Variants in CIT observed in about 807,000 individuals in gnomAD.
CIT encodes citron Rho-interacting kinase.
In CIT, 79 loss-of-function variants were observed where a neutral mutation model predicts 272.7. That is an observed-to-expected ratio of 0.29 (90% confidence interval 0.24 to 0.35). The LOEUF (loss-of-function observed/expected upper bound fraction) is 0.35, where lower values mean the gene tolerates loss of function less well. CIT is among the 10% of genes least tolerant of loss of function. The pLI is 1.00. For synonymous variants in CIT, 948 were observed against 995.6 expected (o/e 0.95, Z 0.90); for missense variants, 1,909 against 2,618.3 (o/e 0.73, Z 5.91).
At chr12:119,821,907 GA>G (rs932970817) in intron 9 of CIT, among the ~76,000 whole-genome samples, 35 of 152,288 alleles carry the variant, frequency 2.3e-4, no homozygotes, top group African/African-American at 8.4e-4. Context: ...GAAGGTTAGA[GA>G]AACCATCAAA....
At chr12:119,780,864 C>G (rs1964223707) in intron 13 of CIT, among the ~76,000 whole-genome samples, 1 of 152,278 alleles carries the variant, frequency 6.6e-6, no homozygotes. Flanking sequence ...GAACTTTTAG[C>G]AGTCATTAAA....
chr12:119,774,844 C>T (rs772241850), intron 16 of CIT, among the ~76,000 whole-genome samples: 51 of 151,980 alleles, frequency 3.4e-4, no homozygotes, highest in African/African-American at 9.7e-5. Flanking sequence ...TGTAGTGGTG[C>T]ACACCTGTAG....
chr12:119,787,154 G>A (rs1409894297), intron 10 of CIT, among the ~76,000 whole-genome samples: 5 of 151,748 alleles, frequency 3.3e-5, no homozygotes, highest in South Asian at 2.1e-4. Flanking sequence ...TTGTAGACAC[G>A]GGGTTTCTCC....
chr12:119,846,082 C>T (rs1235971572), intron 5 of CIT, among the ~76,000 whole-genome samples: 1 of 152,114 alleles, frequency 6.6e-6, no homozygotes, highest in African/African-American at 2.4e-5. Context: ...AGATAGTACC[C>T]TCCTGAAGAT....
At chr12:119,724,984 C>A (rs1373557208) in intron 28 of CIT, among the ~76,000 whole-genome samples, 1 of 146,286 alleles carries the variant, frequency 6.8e-6, no homozygotes, top group Non-Finnish European at 1.5e-5. Context: ...GCTTCTGAAG[C>A]CATTTTGGGC....
At chr12:119,778,807 G>T (rs973960901) in intron 13 of CIT, among the ~76,000 whole-genome samples, 1 of 152,108 alleles carries the variant, frequency 6.6e-6, no homozygotes, top group Non-Finnish European at 1.5e-5. Flanking sequence ...AAAGCATACT[G>T]TTATTGAAGG....
chr12:119,688,752 A>T (rs1955735432), intron 47 of CIT, among the ~76,000 whole-genome samples: 1 of 152,246 alleles, frequency 6.6e-6, no homozygotes, highest in African/African-American at 2.4e-5. Context: ...CAAACCTAAA[A>T]TTACACAGAT....
At chr12:119,704,780 A>ACCACACACCTTTC in intron 40 of CIT, among the ~76,000 whole-genome samples, 1 of 152,194 alleles carries the variant, frequency 6.6e-6, no homozygotes, top group South Asian at 2.1e-4. Context: ...GGCACCTGAC[A>ACCACACACCTTTC]CCACACACCT....
intron 6 of CIT, among the ~76,000 whole-genome samples, chr12:119,833,074 GA>G (rs1968756828): frequency 6.6e-6 from 1 of 152,040 alleles, no homozygotes; most frequent in East Asian, 1.9e-4. Context: ...GAGAGAGGGG[GA>G]AAGAGAAAAA....
At chr12:119,865,904 T>C (rs1566145895) in intron 3 of CIT, among the ~76,000 whole-genome samples, 1 of 151,956 alleles carries the variant, frequency 6.6e-6, no homozygotes, top group Non-Finnish European at 1.5e-5. Context: ...TATTCCTATT[T>C]TACAGATGAG....
In CIT at chr12:119,819,282, A is replaced by C. The variant is rs1206462659; in HGVS notation, c.1111+3538T>G. On this transcript the variant is annotated intron_variant, in intron 9 of 47. Coordinates refer to ENST00000392521, the MANE Select transcript of CIT (RefSeq NM_001206999.2). ...CACAGAGTGTTCGACTTGCTGGAAGAATAAGTATCCTGGAACTGGGTCAGA... is the reference window on the plus strand; with the variant it reads ...CACAGAGTGTTCGACTTGCTGGAAGCATAAGTATCCTGGAACTGGGTCAGA... Among the ~76,000 whole-genome samples, 4 of 152,172 alleles carry C rather than the reference A, an allele frequency of 2.6e-5. No individual in the cohort carries two copies. The East Asian group carries it at 5.8e-4, about 22-fold the overall frequency.
At chr12:119,699,852 C>T (rs955067474) in intron 44 of CIT, 1 of 456,056 alleles carries the variant, frequency 2.2e-6, no homozygotes, top group Non-Finnish European at 4.4e-6. Flanking sequence ...ACAAAATAGC[C>T]TCGAAGGGTA....
rs202211854 is a variant in CIT, at chr12:119,710,659, G to A, written c.4855-39C>T. 2.0e-5 allele frequency: 32 copies of A among 1,569,442 alleles called. No homozygotes were observed. The East Asian group carries it at 2.2e-4, about 11-fold the overall frequency. ...AAAGAAAAGAAAAACAGAAGACATC[G>A]TGAGGCTGATCTGTTTATGACCAAA... is the stretch of plus-strand genomic sequence containing the variant. On this transcript the variant is annotated intron_variant, in intron 37 of 47. Coordinates refer to ENST00000392521, the MANE Select transcript of CIT (RefSeq NM_001206999.2). The surrounding 1 kb of genome is among the most constrained non-coding windows in gnomAD (Gnocchi z 5.6).
chr12:119,768,287 C>A lies in CIT; in HGVS notation c.2209-1105G>T, dbSNP rs1962698192. Among the ~76,000 whole-genome samples the A allele has an allele frequency of 6.6e-6, 1 of 152,188 alleles. No individual in the cohort carries two copies. Among genetic ancestry groups the A allele is most frequent in the Admixed American group, 6.5e-5 (1 of 15,280 alleles). ...ATTTGCCAATGTTTTATAAACTGAC[C>A]TTACAAAAGGCAGCATTCAATTCAC... On this transcript the variant is annotated intron_variant, in intron 18 of 47. Transcript: ENST00000392521. The surrounding 1 kb of genome is among the most constrained non-coding windows in gnomAD (Gnocchi z 4.3).
intron 9 of CIT, among the ~76,000 whole-genome samples, chr12:119,808,991 C>A (rs192094124): frequency 6.6e-6 from 1 of 152,214 alleles, no homozygotes; most frequent in East Asian, 1.9e-4. Context: ...TGGCTGATGG[C>A]AAGTTTTGCC....
intron 9 of CIT, among the ~76,000 whole-genome samples, chr12:119,811,492 C>T (rs927484041): frequency 1.8e-4 from 27 of 152,268 alleles, no homozygotes; most frequent in Middle Eastern, 6.8e-3. Context: ...ATAAGGAAGC[C>T]AGCATTCCCA....
intron 10 of CIT, among the ~76,000 whole-genome samples, chr12:119,802,649 T>C (rs1356670246): frequency 2.0e-5 from 3 of 152,140 alleles, no homozygotes. Context: ...AGCTGCCAGA[T>C]CCCTGATCTT....
intron 23 of CIT, among the ~76,000 whole-genome samples, chr12:119,750,696 C>T (rs1390720450): frequency 6.6e-6 from 1 of 151,140 alleles, no homozygotes; most frequent in Non-Finnish European, 1.5e-5. Flanking sequence ...ATCCCCAAAC[C>T]CAACAATGGG....
Position 119,869,003 on chromosome 12 carries a change from A to G in CIT, c.238+57T>C. The G allele has an allele frequency of 3.1e-6, 5 of 1,594,778 alleles. No individual in the cohort carries two copies. In the South Asian group the frequency reaches 5.6e-5, roughly 18 times the overall value. ...ACCAGTAACTCATTCTGCCTCAAGC[A>G]TCTTTCTAGTTTTTCTCTCTCAGGA... is the stretch of plus-strand genomic sequence containing the variant. On this transcript the variant is annotated intron_variant, in intron 3 of 47. Transcript: ENST00000392521.
Sources: allele counts gnomAD v4.1 joint callset (sites outside exome capture counted in the v4.1 genomes callset), GRCh38; gene constraint gnomAD v4.1.1; non-coding constraint Gnocchi (gnomAD v3.1); transcripts MANE v1.5; gene names NCBI Gene and HGNC (gene_info 2026-07-23, HGNC 2026-07-21).